FBXL20: variants seen among roughly 807,000 people sequenced by gnomAD.
FBXL20 encodes F-box and leucine rich repeat protein 20.
A neutral mutation model predicts 64.0 loss-of-function variants in FBXL20; 11 were observed. The ratio of observed to expected loss-of-function variants is 0.17; its 90% confidence interval spans 0.11 to 0.28. The LOEUF is 0.28. Ranked by LOEUF, FBXL20 falls within the 10% of genes least tolerant of loss-of-function variation. The probability of loss-of-function intolerance (pLI) is 1.00; values close to 1 mark genes in which losing one functional copy is unlikely to be tolerated. For synonymous variants in FBXL20, 184 were observed against 189.0 expected (o/e 0.97, Z 0.22); for missense variants, 303 against 526.2 (o/e 0.58, Z 4.15).
At chr17:39,378,978 A>G (rs2047996922) in intron 1 of FBXL20, among the ~76,000 whole-genome samples, 1 of 149,684 alleles carries the variant, frequency 6.7e-6, no homozygotes, top group South Asian at 2.2e-4. Context: ...CTGTAATCCC[A>G]GCACTTTGGG....
chr17:39,298,928 T>C, intron 5 of FBXL20, 62 bp downstream of exon 5: 3 of 1,347,526 alleles, frequency 2.2e-6, no homozygotes, highest in Non-Finnish European at 3.1e-6. Context: ...TAGCCTTTTC[T>C]GGGTGAGATG....
At chr17:39,316,728 G>C (rs1419986142) in intron 2 of FBXL20, among the ~76,000 whole-genome samples, 15 of 152,262 alleles carry the variant, frequency 9.9e-5, no homozygotes, top group Admixed American at 9.8e-4. Flanking sequence ...GCTCACGCCT[G>C]TAATCCAAGC....
chr17:39,386,599 G>A (rs2048082728), intron 1 of FBXL20, among the ~76,000 whole-genome samples: 1 of 152,168 alleles, frequency 6.6e-6, no homozygotes, highest in Admixed American at 6.6e-5. Flanking sequence ...ACTCCAGCCT[G>A]GGTGACTGAG....
intron 7 of FBXL20, among the ~76,000 whole-genome samples, chr17:39,285,248 T>G (rs1439128187): frequency 1.3e-5 from 2 of 152,122 alleles, no homozygotes; most frequent in African/African-American, 4.8e-5. Flanking sequence ...TCTAATTGTT[T>G]ATGTATAAAC....
chr17:39,322,223 G>A (rs1480878973), intron 2 of FBXL20, among the ~76,000 whole-genome samples: 1 of 145,720 alleles, frequency 6.9e-6, no homozygotes, highest in Admixed American at 6.9e-5. Flanking sequence ...GTTGTTTCAT[G>A]TGTGCATATG....
At chr17:39,335,061 C>T (rs2047507162) in intron 2 of FBXL20, among the ~76,000 whole-genome samples, 1 of 142,634 alleles carries the variant, frequency 7.0e-6, no homozygotes, top group African/African-American at 2.8e-5. Context: ...GCTAGTGAGC[C>T]TTATCTCTCC....
chr17:39,321,546 G>A (rs2047356761), intron 2 of FBXL20, among the ~76,000 whole-genome samples: 1 of 150,940 alleles, frequency 6.6e-6, no homozygotes, highest in Non-Finnish European at 1.5e-5. Flanking sequence ...GGGAGGCCGA[G>A]GTGGGTGGAT....
chr17:39,359,855 A>G (rs1301458005), intron 1 of FBXL20, among the ~76,000 whole-genome samples: 4 of 152,210 alleles, frequency 2.6e-5, no homozygotes, highest in African/African-American at 9.6e-5. Context: ...ACAACAGCCA[A>G]AAGGCAGAAG....
At position 39,264,265 on chromosome 17, in the gene FBXL20, G is replaced by A. The variant is rs2046772691; in HGVS notation, c.1113C>T (p.Ser371=). The A allele has an allele frequency of 2.5e-6, 4 of 1,614,086 alleles. No homozygotes were observed. Among genetic ancestry groups the A allele is most frequent in the Non-Finnish European group, 3.4e-6 (4 of 1,180,044 alleles). Residue 371 remains serine (S), a synonymous_variant, in exon 14 of 15, where the codon TCC becomes TCT. Coordinates refer to ENST00000264658, the MANE Select transcript of FBXL20 (RefSeq NM_032875.3). ...TATGACAGCTCTTCAAGTGCTCCAG[G>A]GATGCATCTGTGATTAGTGGGCAGT... ...LDNCPLITDA[S]LEHLKSCHSL...
At chr17:39,355,598 G>C (rs967093580) in intron 1 of FBXL20, among the ~76,000 whole-genome samples, 1 of 152,076 alleles carries the variant, frequency 6.6e-6, no homozygotes, top group African/African-American at 2.4e-5. Flanking sequence ...GCTCACGCCT[G>C]TAATCCCAGC....
intron 1 of FBXL20, among the ~76,000 whole-genome samples, chr17:39,389,104 C>CAA (rs752930971): frequency 0.19 from 10,019 of 52,118 alleles, 939 homozygotes; most frequent in African/African-American, 0.28. Context: ...AACTCCATCT[C>CAA]AAAAAAAAAA....
intron 1 of FBXL20, among the ~76,000 whole-genome samples, chr17:39,368,853 C>T (rs1412304466): frequency 6.6e-6 from 1 of 152,102 alleles, no homozygotes; most frequent in African/African-American, 2.4e-5. Flanking sequence ...GACGGGGTTT[C>T]ACCATGTTAG....
chr17:39,323,942 T>C (rs1031301463), intron 2 of FBXL20, among the ~76,000 whole-genome samples: 12 of 149,956 alleles, frequency 8.0e-5, no homozygotes, highest in East Asian at 5.9e-4. Flanking sequence ...TTTTTTGTAT[T>C]TTTAGTAGAG....
intron 9 of FBXL20, among the ~76,000 whole-genome samples, chr17:39,276,130 C>T (rs2046889003): frequency 1.3e-5 from 2 of 148,968 alleles, no homozygotes; most frequent in African/African-American, 5.0e-5. Context: ...GCCTGTAATC[C>T]CAGCTACTTG....
intron 2 of FBXL20, among the ~76,000 whole-genome samples, chr17:39,308,723 G>A (rs567039370): frequency 8.2e-4 from 125 of 151,612 alleles, no homozygotes; most frequent in African/African-American, 2.9e-3. Context: ...GAACCACCAC[G>A]CCCGGCTAAT....
upstream of FBXL20, chr17:39,402,439 C>T: frequency 2.6e-6 from 1 of 380,806 alleles, no homozygotes; most frequent in Non-Finnish European, 4.6e-6. Context: ...CAAGTGCCCG[C>T]CCTGGTCCGG....
chr17:39,331,434 T>C (rs1193454229), intron 2 of FBXL20, among the ~76,000 whole-genome samples: 3 of 152,220 alleles, frequency 2.0e-5, no homozygotes, highest in African/African-American at 7.2e-5. Context: ...TACAGGCTAC[T>C]ACTCTTTAAG....
chr17:39,343,641 C>T (rs1024920685), intron 1 of FBXL20, among the ~76,000 whole-genome samples: 1 of 151,550 alleles, frequency 6.6e-6, no homozygotes, highest in South Asian at 2.1e-4. Context: ...CTGAGGCAAG[C>T]GGATCGCTTG....
chr17:39,390,285 G>A (rs1021733013), intron 1 of FBXL20, among the ~76,000 whole-genome samples: 9 of 152,094 alleles, frequency 5.9e-5, no homozygotes, highest in East Asian at 3.9e-4. Context: ...GGCCAGACGC[G>A]GTGGCTCACA....
Sources: gnomAD v4.1 joint callset for allele counts (sites outside exome capture counted in the v4.1 genomes callset) on GRCh38, gnomAD v4.1.1 for gene constraint, MANE v1.5 for transcripts, NCBI Gene and HGNC (gene_info 2026-07-23, HGNC 2026-07-21) for gene names.